The following PSMD9 variants were observed in gnomAD, a reference collection of about 807,000 sequenced individuals.
The protein encoded by PSMD9 is proteasome 26S subunit, non-ATPase 9.
Under a neutral mutation model 25.9 loss-of-function variants are expected in PSMD9, and 26 were observed. That is an observed-to-expected ratio of 1.00 (90% confidence interval 0.73 to 1.39). PSMD9 has a LOEUF of 1.39. Ranked by LOEUF, PSMD9 falls within the 40% of genes most tolerant of loss-of-function variation. The pLI is 0.00. For missense variants in PSMD9, 303 were observed against 299.3 expected, an observed-to-expected ratio of 1.01 and a Z score of -0.09; for synonymous variants, 110 against 114.5, an observed-to-expected ratio of 0.96 and a Z score of 0.25.
At chr12:121,900,704 A>G (rs1179044976) in intron 3 of PSMD9, among the ~76,000 whole-genome samples, 2 of 150,626 alleles carry the variant, frequency 1.3e-5, no homozygotes, top group African/African-American at 4.9e-5. Context: ...AAAAATTTGC[A>G]GCCAGGTGCA....
intron 1 of PSMD9, among the ~76,000 whole-genome samples, chr12:121,890,593 A>C (rs901880980): frequency 7.2e-5 from 11 of 151,978 alleles, no homozygotes; most frequent in Non-Finnish European, 1.2e-4. Flanking sequence ...TCAGCCTCCC[A>C]AGTAGCTGAG....
chr12:121,901,666 C>CTTTTTTTTTTTTTTTTTTT (rs563939839), intron 3 of PSMD9, among the ~76,000 whole-genome samples: 11 of 93,608 alleles, frequency 1.2e-4, no homozygotes, highest in East Asian at 5.9e-4. Context: ...TTCATTCCTT[C>CTTTTTTTTTTTTTTTTTTT]TTTTTTTTTT....
intron 1 of PSMD9, among the ~76,000 whole-genome samples, chr12:121,891,461 G>T (rs905181117): frequency 1.3e-5 from 2 of 151,122 alleles, no homozygotes; most frequent in Non-Finnish European, 2.9e-5. Context: ...TTAGCTGGAC[G>T]TGGTGGCCAG....
At chr12:121,889,094 G>C (rs1878981220) in intron 1 of PSMD9, 100 bp downstream of exon 1, 2 of 1,455,092 alleles carry the variant, frequency 1.4e-6, no homozygotes, top group Admixed American at 2.2e-5. Flanking sequence ...CTCCGCAACG[G>C]ATCTCCCTGG....
chr12:121,889,859 CAATT>C lies in PSMD9; in HGVS notation c.138+871_138+874del, dbSNP rs1465227261. Among the ~76,000 whole-genome samples the C allele has an allele frequency of 5.9e-5, 9 of 151,608 alleles. No homozygotes were observed. In the South Asian group the frequency reaches 1.7e-3, roughly 28 times the overall value. On this transcript the variant is annotated intron_variant, in intron 1 of 5. Transcript: ENST00000541212. ...ACAGATCAGTTTGCAGAGGAAGATG[CAATT>C]AATTATGCCCAAGTAGGGTGGGATG...
intron 4 of PSMD9, chr12:121,908,052 A>G (rs1249520134): frequency 6.6e-6 from 1 of 152,078 alleles, no homozygotes; most frequent in African/African-American, 2.4e-5. Context: ...AATAAAATAC[A>G]TATTTATCCT....
chr12:121,916,380 C>A lies in PSMD9; in HGVS notation c.*69C>A. 1 of 1,552,720 alleles carries A rather than the reference C, an allele frequency of 6.4e-7. No homozygotes were observed. Among genetic ancestry groups the A allele is most frequent in the Non-Finnish European group, 8.9e-7 (1 of 1,124,142 alleles). On this transcript the variant is annotated 3_prime_UTR_variant, in exon 6 of 6. Transcript: ENST00000541212. ...TGGACTTGGGTCTAGGGATTTCCAA[C>A]TTGTCTTCTCTCCCTGAAGCATAAG...
At chr12:121,889,128 G>A in intron 1 of PSMD9, 134 bp downstream of exon 1, 2 of 1,092,710 alleles carry the variant, frequency 1.8e-6, no homozygotes, top group Non-Finnish European at 2.6e-6. Context: ...CCGCAAGTGC[G>A]GCCTCTGTCG....
At position 121,903,095 on chromosome 12, in the gene PSMD9, G is replaced by A; in HGVS notation, c.543G>A (p.Gln181=). ...TGCATAACATTGGCAGTGTGGTGCA[G>A]CACAGTGAGGGGGTGAGTGGGGCTA... The part of the protein sequence containing the change: ...QSLHNIGSVV[Q]HSEGKPLNVT... The change falls in exon 4 of 6, where the codon CAG becomes CAA. Residue 181 remains glutamine, a synonymous_variant. Transcript: ENST00000541212. 4 of 1,613,844 alleles carry A rather than the reference G, an allele frequency of 2.5e-6. No individual in the cohort carries two copies. Among genetic ancestry groups the A allele is most frequent in the Non-Finnish European group, 3.4e-6 (4 of 1,179,826 alleles).
intron 4 of PSMD9, among the ~76,000 whole-genome samples, chr12:121,912,589 G>A (rs1273589432): frequency 1.3e-5 from 2 of 152,090 alleles, no homozygotes; most frequent in East Asian, 3.9e-4. Flanking sequence ...ATTTAGGCTG[G>A]GCGCTGTGTC....
intron 4 of PSMD9, among the ~76,000 whole-genome samples, chr12:121,907,340 G>A (rs1192842234): frequency 6.6e-6 from 1 of 151,642 alleles, no homozygotes; most frequent in Non-Finnish European, 1.5e-5. Context: ...AAAGTGCTGG[G>A]ATTACAGGCG....
chr12:121,916,156 A>G, intron 5 of PSMD9, 128 bp from the exon 6 acceptor site: 1 of 1,328,030 alleles, frequency 7.5e-7, no homozygotes, highest in Non-Finnish European at 1.1e-6. Flanking sequence ...TCTCCAGTTC[A>G]TTCATGCACT....
At position 121,899,619 on chromosome 12, in the gene PSMD9, T is replaced by A. The variant is rs1266260262; in HGVS notation, c.242-15T>A. On this transcript the variant is annotated splice_polypyrimidine_tract_variant and intron_variant, in intron 2 of 5. Coordinates refer to ENST00000541212, the MANE Select transcript of PSMD9 (RefSeq NM_002813.7). ...ACTGTCTTCCTTGGCCCCTGATGTGTGGTTCTCATCCCAGGCCTGCAGAAT... is the reference window on the plus strand; with the variant it reads ...ACTGTCTTCCTTGGCCCCTGATGTGAGGTTCTCATCCCAGGCCTGCAGAAT... 6 of 1,583,414 alleles carry A rather than the reference T, an allele frequency of 3.8e-6. No homozygotes were observed. The highest frequency in any genetic ancestry group is 5.2e-6 in the Non-Finnish European group (6 of 1,164,226).
rs1879332838 is a variant in PSMD9 at position 121,899,710 on chromosome 12, G to A, written c.318G>A (p.Glu106=). The part of the protein sequence containing the change: ...ALHQLHARDK[E]KQARDMAEAH... ...ACCAGCTGCACGCTCGCGACAAGGAGAAGCAGGCCCGGGACATGGCTGAGG... is the reference window on the plus strand; with the variant it reads ...ACCAGCTGCACGCTCGCGACAAGGAAAAGCAGGCCCGGGACATGGCTGAGG... The change falls in exon 3 of 6, where the codon GAG becomes GAA. Residue 106 remains glutamate, a synonymous_variant. Transcript: ENST00000541212. 7.4e-6 allele frequency: 12 copies of A among 1,614,058 alleles called. No homozygotes were observed. Among genetic ancestry groups the A allele is most frequent in the Non-Finnish European group, 7.6e-6 (9 of 1,180,036 alleles).
In PSMD9 at chr12:121,899,861, G is replaced by T. The variant is rs1419690435; in HGVS notation, c.453+16G>T. 6.2e-7 allele frequency: 1 copy of T among 1,613,824 alleles called. No individual in the cohort carries two copies. Among genetic ancestry groups the T allele is most frequent in the Admixed American group, 1.7e-5 (1 of 60,020 alleles). Reference sequence around the variant, plus strand: ...CAGCATCGCGGTAATCCAGGGGTTGGCCACTCAAGTCCATGCCCAGGGGAC... The same window carrying T: ...CAGCATCGCGGTAATCCAGGGGTTGTCCACTCAAGTCCATGCCCAGGGGAC... On this transcript the variant is annotated intron_variant, in intron 3 of 5. Coordinates refer to ENST00000541212, the MANE Select transcript of PSMD9 (RefSeq NM_002813.7).
In PSMD9 at chr12:121,916,504, C is replaced by A; in HGVS notation, c.*193C>A. ...ATTAAGGCATTCTTAAAAACTTAGG[C>A]TTGGCCTCTTTCACAAATTAGGCCA... is the stretch of plus-strand genomic sequence containing the variant. On this transcript the variant is annotated 3_prime_UTR_variant, in exon 6 of 6. Coordinates refer to ENST00000541212, the MANE Select transcript of PSMD9 (RefSeq NM_002813.7). 1 of 676,158 alleles carries A rather than the reference C, an allele frequency of 1.5e-6. No individual in the cohort carries two copies. The allele number at this position is 676,158 out of a possible 1,614,324, so 41.9% of individuals were successfully genotyped here. A position where few individuals can be genotyped will look rare whatever the true frequency, so the allele number is the denominator to read the frequency against.
chr12:121,889,130 C>G, intron 1 of PSMD9, 136 bp downstream of exon 1: 1 of 1,092,942 alleles, frequency 9.1e-7, no homozygotes, highest in Non-Finnish European at 1.3e-6. Flanking sequence ...GCAAGTGCGG[C>G]CTCTGTCGGC....
chr12:121,891,644 G>A (rs918023558), intron 1 of PSMD9, among the ~76,000 whole-genome samples: 2 of 151,186 alleles, frequency 1.3e-5, no homozygotes, highest in African/African-American at 2.4e-5. Context: ...GGTGGCTCAC[G>A]TCTGTAATCC....
At chr12:121,900,078 T>TC (rs1879347376) in intron 3 of PSMD9, among the ~76,000 whole-genome samples, 1 of 152,152 alleles carries the variant, frequency 6.6e-6, no homozygotes, top group Non-Finnish European at 1.5e-5. Context: ...AGTGACCTCT[T>TC]CCCAGTGACA....
Sources: allele counts gnomAD v4.1 joint callset (sites outside exome capture counted in the v4.1 genomes callset), GRCh38; gene constraint gnomAD v4.1.1; transcripts MANE v1.5; gene names NCBI Gene and HGNC (gene_info 2026-07-23, HGNC 2026-07-21).